TMEM255A: variants seen among roughly 807,000 people sequenced by gnomAD.
TMEM255A encodes family with sequence similarity 70, member A.
Under a neutral mutation model 23.5 loss-of-function variants are expected in TMEM255A, and 14 were observed. That is an observed-to-expected ratio of 0.60 (90% confidence interval 0.39 to 0.93). The LOEUF (loss-of-function observed/expected upper bound fraction) is 0.93, where lower values mean the gene tolerates loss of function less well. TMEM255A is among the 40% of genes least tolerant of loss of function. The pLI is 0.00. For synonymous variants in TMEM255A, 104 were observed against 100.3 expected, an observed-to-expected ratio of 1.04 and a Z score of -0.22; for missense variants, 233 against 261.7, an observed-to-expected ratio of 0.89 and a Z score of 0.76.
chrX:120,307,499 C>G (rs1188139457), intron 1 of TMEM255A, among the ~76,000 whole-genome samples: 1 of 112,070 alleles, frequency 8.9e-6, no homozygotes, highest in Non-Finnish European at 1.9e-5. Context: ...AAAATCATGC[C>G]TATTACGATT....
At chrX:120,297,211 C>G (rs1306640462) in intron 2 of TMEM255A, among the ~76,000 whole-genome samples, 1 of 74,082 alleles carries the variant, frequency 1.3e-5, no homozygotes, top group African/African-American at 5.1e-5. Context: ...CTTATAAACT[C>G]TGTGCCCTTG....
At chrX:120,253,452 C>G in the TMEM255A span, 1 of 1,211,592 alleles carries the variant, frequency 8.3e-7, no homozygotes, top group South Asian at 1.8e-5. Context: ...TACAGACATT[C>G]AGTACTCTGG....
intron 6 of TMEM255A, among the ~76,000 whole-genome samples, chrX:120,283,702 A>C (rs1240246672): frequency 6.3e-5 from 7 of 111,628 alleles, no homozygotes; most frequent in African/African-American, 2.3e-4. Context: ...TCTACCTTCT[A>C]AATTGCTCTT....
At chrX:120,254,627 A>C (rs782046543), downstream of TMEM255A, 2 of 1,211,888 alleles carry the variant, frequency 1.7e-6, no homozygotes, top group Non-Finnish European at 2.2e-6. Flanking sequence ...ATCCAGGCGT[A>C]GGATCAAAAC....
At chrX:120,300,061 A>G (rs12857043) in intron 2 of TMEM255A, among the ~76,000 whole-genome samples, 2,195 of 111,983 alleles carry the variant, frequency 0.02, 66 homozygotes, top group African/African-American at 0.069. Flanking sequence ...TAGTATCAAT[A>G]TAGCAGCTGA....
chrX:120,304,279 C>G, intron 2 of TMEM255A, 70 bp downstream of exon 2: 2 of 1,061,110 alleles, frequency 1.9e-6, no homozygotes, highest in Non-Finnish European at 2.6e-6. Flanking sequence ...GAATTGAAAA[C>G]TATCAGAGCA....
At chrX:120,262,289 C>T (rs992764633) in intron 8 of TMEM255A, among the ~76,000 whole-genome samples, 3 of 111,115 alleles carry the variant, frequency 2.7e-5, no homozygotes, top group South Asian at 3.8e-4. Flanking sequence ...GACTCCGTCT[C>T]GAAAATAAAT....
intron 7 of TMEM255A, among the ~76,000 whole-genome samples, chrX:120,274,134 A>C (rs939900237): frequency 2.7e-5 from 3 of 112,395 alleles, no homozygotes. Flanking sequence ...AAACAAAAAA[A>C]ATATGATAAG....
chrX:120,288,987 G>A (rs975693044), intron 4 of TMEM255A, among the ~76,000 whole-genome samples: 1 of 111,874 alleles, frequency 8.9e-6, no homozygotes, highest in Non-Finnish European at 1.9e-5. Flanking sequence ...AAGGGTGAGT[G>A]AGAAGGTGGT....
intron 2 of TMEM255A, among the ~76,000 whole-genome samples, chrX:120,301,030 G>GT (rs2058030952): frequency 9.0e-6 from 1 of 110,954 alleles, no homozygotes; most frequent in South Asian, 3.8e-4. Flanking sequence ...CCTGGTTTTA[G>GT]TTTTTTTAAA....
chrX:120,268,393 G>A lies in TMEM255A; in HGVS notation c.676-6C>T. 8.4e-7 allele frequency: 1 copy of A among 1,188,476 alleles called. No homozygotes were observed. Among genetic ancestry groups the A allele is most frequent in the South Asian group, 1.9e-5 (1 of 53,079 alleles). ...AGTGCTGGGAGAGTTGGGTTCTGTA[G>A]AAAAACACAAATTAGAAACAACATA... On this transcript the variant is annotated splice_polypyrimidine_tract_variant and splice_region_variant and intron_variant, in intron 7 of 8. Transcript: ENST00000371369.
downstream of TMEM255A, chrX:120,255,288 C>A (rs79151935): frequency 1.9e-3 from 2,306 of 1,209,776 alleles, 29 homozygotes; most frequent in African/African-American, 0.035. Flanking sequence ...TGGAAAAGAA[C>A]CTCCAGTAGG....
At chrX:120,269,961 TTGTG>T (rs1556018387) in intron 7 of TMEM255A, among the ~76,000 whole-genome samples, 1 of 112,116 alleles carries the variant, frequency 8.9e-6, no homozygotes, top group East Asian at 2.8e-4. Flanking sequence ...ATAAAAGTTT[TTGTG>T]TGTTCAGCAA....
At chrX:120,308,073 T>G (rs2058075848) in intron 1 of TMEM255A, among the ~76,000 whole-genome samples, 1 of 112,377 alleles carries the variant, frequency 8.9e-6, no homozygotes, top group African/African-American at 3.2e-5. Context: ...CTTTGAAACA[T>G]GCTCAAAATT....
downstream of TMEM255A, chrX:120,258,408 G>A (rs782335630): frequency 2.4e-5 from 3 of 123,204 alleles, no homozygotes; most frequent in East Asian, 8.3e-4. Flanking sequence ...ATGTTTGAGT[G>A]CGTGTTTTAC....
downstream of TMEM255A, chrX:120,254,434 AC>A (rs782711055): frequency 8.3e-7 from 1 of 1,211,462 alleles, no homozygotes; most frequent in Non-Finnish European, 1.1e-6. Flanking sequence ...GATGATGATG[AC>A]ACTATTAGCT....
In TMEM255A at chrX:120,278,356, C is replaced by A. The variant is rs781799547; in HGVS notation, c.513-1309G>T. On this transcript the variant is annotated intron_variant, in intron 6 of 8. Coordinates refer to ENST00000371369, the MANE Select transcript of TMEM255A (RefSeq NM_001104544.3). ...TCTATGGTATCGTGTTATGGCAGCC[C>A]GAGCTAAGCAATACATCACCCTTTT... Among the ~76,000 whole-genome samples the A allele has an allele frequency of 2.5e-4, 28 of 112,015 alleles. No individual in the cohort carries two copies. In the South Asian group the frequency reaches 0.01, roughly 42 times the overall value.
chrX:120,286,295 C>T, intron 5 of TMEM255A, among the ~76,000 whole-genome samples: 1 of 112,033 alleles, frequency 8.9e-6, no homozygotes, highest in East Asian at 2.8e-4. Context: ...CATCCAATTG[C>T]CTTCCTTTTC....
chrX:120,254,590 C>G (rs2057624456), downstream of TMEM255A: 1 of 1,209,785 alleles, frequency 8.3e-7, no homozygotes, highest in African/African-American at 1.7e-5. Context: ...TTAAAAATTT[C>G]AGATATAATT....
Sources: allele counts gnomAD v4.1 joint callset (sites outside exome capture counted in the v4.1 genomes callset), GRCh38; gene constraint gnomAD v4.1.1; transcripts MANE v1.5; gene names NCBI Gene and HGNC (gene_info 2026-07-23, HGNC 2026-07-21).